The following GLIS3 variants were observed in gnomAD, a reference collection of about 807,000 sequenced individuals.
GLIS3 encodes zinc finger protein GLIS3.
GLIS3 carries 53 observed loss-of-function variants against 78.6 expected under a neutral mutation model. The ratio of observed to expected loss-of-function variants is 0.67; its 90% CI spans 0.54 to 0.85. GLIS3 has a LOEUF of 0.85. GLIS3 is among the 40% of genes least tolerant of loss of function. The pLI is 0.00. For synonymous variants in GLIS3, 684 were observed against 509.9 expected (o/e 1.34, Z -4.60); for missense variants, 1,703 against 1,231.1 (o/e 1.38, Z -5.74).
At chr9:4,087,662 G>A (rs895199694) in intron 4 of GLIS3, among the ~76,000 whole-genome samples, 1 of 152,154 alleles carries the variant, frequency 6.6e-6, no homozygotes, top group Admixed American at 6.6e-5. Context: ...ACAGATTTAA[G>A]GGGGAAAGGT....
the GLIS3 span, among the ~76,000 whole-genome samples, chr9:4,387,621 C>A: frequency 6.6e-6 from 1 of 152,092 alleles, no homozygotes; most frequent in African/African-American, 2.4e-5. Context: ...TATCCAGGGT[C>A]CCCATAAACC....
chr9:4,170,605 G>T (rs1347375470), intron 2 of GLIS3, among the ~76,000 whole-genome samples: 1 of 152,162 alleles, frequency 6.6e-6, no homozygotes, highest in Non-Finnish European at 1.5e-5. Context: ...CATGTGTTCA[G>T]TCAACAAACA....
chr9:4,271,330 T>C (rs974928897), intron 2 of GLIS3, among the ~76,000 whole-genome samples: 9 of 152,156 alleles, frequency 5.9e-5, no homozygotes, highest in African/African-American at 2.2e-4. Context: ...TACCAGTAGT[T>C]ATGTTTTGGG....
At chr9:4,472,013 T>A in the GLIS3 span, among the ~76,000 whole-genome samples, 1 of 152,266 alleles carries the variant, frequency 6.6e-6, no homozygotes, top group African/African-American at 2.4e-5. Context: ...AAAATGCTCA[T>A]CATCACTGGT....
chr9:3,953,133 C>G (rs149765646), intron 4 of GLIS3, among the ~76,000 whole-genome samples: 2 of 152,210 alleles, frequency 1.3e-5, no homozygotes, highest in African/African-American at 2.4e-5. Flanking sequence ...CTGCCTCTCA[C>G]TAGAAAATTT....
chr9:4,107,451 C>A (rs1830847742), intron 4 of GLIS3, among the ~76,000 whole-genome samples: 1 of 152,080 alleles, frequency 6.6e-6, no homozygotes, highest in South Asian at 2.1e-4. Flanking sequence ...TGTCTTTCAC[C>A]CTAGACTCAG....
chr9:4,473,236 GA>G, the GLIS3 span, among the ~76,000 whole-genome samples: 1 of 152,038 alleles, frequency 6.6e-6, no homozygotes, highest in Non-Finnish European at 1.5e-5. Context: ...CGCAGCCATA[GA>G]AAGAATGAGA....
intron 2 of GLIS3, among the ~76,000 whole-genome samples, chr9:4,268,851 T>C (rs754003699): frequency 2.6e-5 from 4 of 152,186 alleles, no homozygotes; most frequent in Admixed American, 1.3e-4. Context: ...GGTTCTGGTA[T>C]CTCCCAACCC....
the GLIS3 span, among the ~76,000 whole-genome samples, chr9:4,449,778 A>C: frequency 6.6e-6 from 1 of 152,204 alleles, no homozygotes; most frequent in Non-Finnish European, 1.5e-5. Flanking sequence ...AAAAAACAAC[A>C]AACAGAAAGG....
At chr9:4,260,376 C>T (rs1825397756) in intron 2 of GLIS3, among the ~76,000 whole-genome samples, 1 of 152,140 alleles carries the variant, frequency 6.6e-6, no homozygotes, top group African/African-American at 2.4e-5. Flanking sequence ...ACCAGCCTGG[C>T]CAACATGGTG....
At chr9:4,214,980 G>C (rs1465682953) in intron 2 of GLIS3, among the ~76,000 whole-genome samples, 1 of 152,200 alleles carries the variant, frequency 6.6e-6, no homozygotes, top group African/African-American at 2.4e-5. Context: ...AAGTGAGAGA[G>C]GGTGAGACAG....
intron 4 of GLIS3, among the ~76,000 whole-genome samples, chr9:3,966,186 C>T (rs750949749): frequency 1.3e-5 from 2 of 152,214 alleles, no homozygotes; most frequent in Non-Finnish European, 2.9e-5. Context: ...ATGCCTGGCA[C>T]ATACTGAATG....
chr9:4,162,834 G>A (rs6476813), intron 2 of GLIS3, among the ~76,000 whole-genome samples: 50,366 of 138,944 alleles, frequency 0.36, 9,018 homozygotes, highest in South Asian at 0.47. Context: ...TCCAGCCCGG[G>A]CGACAGAGTC....
At position 4,329,970 on chromosome 9, in the gene GLIS3, T is replaced by A. The variant is rs191709465; in HGVS notation, n.264+17111A>T. ...TAGTGTATCAATTAATTTCAATTAA[T>A]CTTTGTGTTTTTCTTCTCTATATTT... On this transcript the variant is annotated intron_variant and non_coding_transcript_variant, in intron 2 of 4. Coordinates refer to the GLIS3 transcript ENST00000471664. 4.7e-3 allele frequency among the ~76,000 whole-genome samples: 699 copies of A among 149,816 alleles called. 5 individuals are homozygous for A. Among genetic ancestry groups the A allele is most frequent in the African/African-American group, 0.017 (669 of 39,858 alleles).
chr9:3,978,293 T>C (rs368262646), intron 4 of GLIS3, among the ~76,000 whole-genome samples: 7 of 152,220 alleles, frequency 4.6e-5, no homozygotes, highest in African/African-American at 1.4e-4. Context: ...AAGAAAAACA[T>C]TGGCTGAATA....
In GLIS3 at chr9:3,978,270, T is replaced by C. The variant is rs138410962; in HGVS notation, c.1711-41081A>G. ...TTGTCATTGTATTCCTTTCCATTGA[T>C]TCTTGTTACATGAAGAAAAACATTG... On this transcript the variant is annotated intron_variant, in intron 4 of 10. Coordinates refer to ENST00000381971, the MANE Select transcript of GLIS3 (RefSeq NM_001042413.2). Among the ~76,000 whole-genome samples the C allele has an allele frequency of 2.4e-3, 358 of 152,290 alleles. 4 individuals carry two copies. The highest frequency in any genetic ancestry group is 1.8e-3 in the Admixed American group (28 of 15,286).
At chr9:4,432,392 G>A in the GLIS3 span, among the ~76,000 whole-genome samples, 1 of 152,146 alleles carries the variant, frequency 6.6e-6, no homozygotes, top group Non-Finnish European at 1.5e-5. Flanking sequence ...ATGTATAGCA[G>A]CAAGAAAGCG....
intron 4 of GLIS3, among the ~76,000 whole-genome samples, chr9:4,047,428 A>G (rs929961577): frequency 1.3e-5 from 2 of 152,144 alleles, no homozygotes; most frequent in Non-Finnish European, 1.5e-5. Flanking sequence ...CTTTATTTTT[A>G]TATTACTTTT....
the GLIS3 span, among the ~76,000 whole-genome samples, chr9:4,451,927 A>G: frequency 6.6e-6 from 1 of 151,474 alleles, no homozygotes; most frequent in African/African-American, 2.5e-5. Context: ...TCCTCAATAA[A>G]ATACTGGCAA....
Sources: allele counts gnomAD v4.1 joint callset (sites outside exome capture counted in the v4.1 genomes callset), GRCh38; gene constraint gnomAD v4.1.1; transcripts MANE v1.5; gene names NCBI Gene and HGNC (gene_info 2026-07-23, HGNC 2026-07-21).